The following THSD4 variants were observed in gnomAD, a reference collection of about 807,000 sequenced individuals.
THSD4 encodes the protein thrombospondin type-1 domain-containing protein 4.
In THSD4, 69 loss-of-function variants were observed where a neutral mutation model predicts 119.0. That is an observed-to-expected ratio of 0.58 (90% CI 0.48 to 0.71). The LOEUF is 0.71. Ranked by LOEUF, THSD4 falls within the 30% of genes least tolerant of loss-of-function variation. The pLI is 0.00. For synonymous variants in THSD4, 524 were observed against 540.4 expected (o/e 0.97, Z 0.42); for missense variants, 1,393 against 1,391.1 (o/e 1.00, Z -0.02).
At chr15:71,665,450 C>A (rs754209686) in intron 8 of THSD4, among the ~76,000 whole-genome samples, 35 of 152,086 alleles carry the variant, frequency 2.3e-4, no homozygotes, top group Non-Finnish European at 4.7e-4. Context: ...TGTAGGGTAT[C>A]TGTTTACTCT....
chr15:71,370,967 A>G (rs1398812778), intron 6 of THSD4, among the ~76,000 whole-genome samples: 10 of 152,136 alleles, frequency 6.6e-5, no homozygotes, highest in African/African-American at 2.4e-4. Flanking sequence ...TTGCTCCTGT[A>G]TTGGGTGCAT....
chr15:71,300,616 C>T (rs564064846), intron 6 of THSD4, among the ~76,000 whole-genome samples: 8 of 152,164 alleles, frequency 5.3e-5, no homozygotes, highest in Non-Finnish European at 1.0e-4. Flanking sequence ...TATCAATCCC[C>T]CTCAAAATTA....
At chr15:71,097,578 C>A (rs1596199455) in intron 1 of THSD4, among the ~76,000 whole-genome samples, 1 of 139,468 alleles carries the variant, frequency 7.2e-6, no homozygotes, top group Non-Finnish European at 1.6e-5. Context: ...AAAAAAAAAA[C>A]AACAACAACC....
chr15:71,777,163 T>C, intron 17 of THSD4, 69 bp from the exon 18 acceptor site: 1 of 1,600,126 alleles, frequency 6.2e-7, no homozygotes, highest in Non-Finnish European at 8.6e-7. Flanking sequence ...CCACTGCCCT[T>C]TCTCTTCCCA....
chr15:71,724,164 A>G (rs1189457971), intron 8 of THSD4, among the ~76,000 whole-genome samples: 1 of 149,282 alleles, frequency 6.7e-6, no homozygotes, highest in African/African-American at 2.4e-5. Context: ...ATGATGTTGT[A>G]GATGGGCTAA....
At chr15:71,384,183 T>C (rs1280357533) in intron 6 of THSD4, among the ~76,000 whole-genome samples, 1 of 152,138 alleles carries the variant, frequency 6.6e-6, no homozygotes, top group African/African-American at 2.4e-5. Context: ...ATCGAGACCA[T>C]CCTGACTAAC....
chr15:71,369,776 G>A (rs113597873), intron 6 of THSD4, among the ~76,000 whole-genome samples: 42,110 of 151,932 alleles, frequency 0.28, 6,491 homozygotes, highest in East Asian at 0.54. Context: ...CTTTGGTATC[G>A]GGATGATGCT....
chr15:71,260,128 C>T (rs2044373271), intron 6 of THSD4, among the ~76,000 whole-genome samples: 1 of 152,190 alleles, frequency 6.6e-6, no homozygotes, highest in African/African-American at 2.4e-5. Flanking sequence ...ATTGATAGCC[C>T]TATGCAAACC....
intron 6 of THSD4, among the ~76,000 whole-genome samples, chr15:71,379,821 T>C (rs886598960): frequency 2.6e-5 from 4 of 151,434 alleles, no homozygotes; most frequent in African/African-American, 4.8e-5. Context: ...TGTTGTTGTT[T>C]AAAAAAAAAC....
chr15:71,457,112 G>T (rs573417145), intron 7 of THSD4, among the ~76,000 whole-genome samples: 10 of 152,244 alleles, frequency 6.6e-5, no homozygotes, highest in African/African-American at 2.4e-4. Context: ...GAGGCGCAGT[G>T]GCTCACACCT....
chr15:71,647,464 A>G (rs189200194), intron 7 of THSD4, among the ~76,000 whole-genome samples: 40 of 152,320 alleles, frequency 2.6e-4, no homozygotes, highest in Non-Finnish European at 5.3e-4. Context: ...CTGACAATGC[A>G]TGGAACACAA....
intron 6 of THSD4, among the ~76,000 whole-genome samples, chr15:71,378,873 T>C (rs994413901): frequency 6.6e-6 from 1 of 152,184 alleles, no homozygotes; most frequent in Non-Finnish European, 1.5e-5. Flanking sequence ...AGCCTGGAAC[T>C]CCGGAGCTCA....
chr15:71,360,136 T>TG (rs1480314063), intron 6 of THSD4, among the ~76,000 whole-genome samples: 4 of 152,264 alleles, frequency 2.6e-5, no homozygotes, highest in African/African-American at 9.6e-5. Flanking sequence ...ATCTGGCACG[T>TG]GGGGAAGAGC....
intron 6 of THSD4, among the ~76,000 whole-genome samples, chr15:71,297,713 A>G (rs2044885925): frequency 1.3e-5 from 2 of 152,030 alleles, no homozygotes; most frequent in South Asian, 4.2e-4. Flanking sequence ...GACTTAAGCA[A>G]TCCTTCCACC....
chr15:71,482,891 C>T (rs1203561340), intron 7 of THSD4, among the ~76,000 whole-genome samples: 1 of 152,152 alleles, frequency 6.6e-6, no homozygotes, highest in Non-Finnish European at 1.5e-5. Context: ...CTGGCCTGTA[C>T]TGTAACTTTT....
At chr15:71,508,513 C>T (rs2048228015) in intron 7 of THSD4, among the ~76,000 whole-genome samples, 1 of 152,150 alleles carries the variant, frequency 6.6e-6, no homozygotes, top group Non-Finnish European at 1.5e-5. Flanking sequence ...CACTGAAAAT[C>T]AGAGGCTGTG....
At chr15:71,666,074 A>G (rs2051411658) in intron 8 of THSD4, among the ~76,000 whole-genome samples, 1 of 152,266 alleles carries the variant, frequency 6.6e-6, no homozygotes, top group East Asian at 1.9e-4. Flanking sequence ...ATAACATTGA[A>G]TCTGTAAATT....
chr15:71,530,799 C>A (rs1005191497), intron 7 of THSD4, among the ~76,000 whole-genome samples: 7 of 136,530 alleles, frequency 5.1e-5, no homozygotes, highest in Non-Finnish European at 1.1e-4. Flanking sequence ...GTGTACCAAG[C>A]CCCCGAAAAA....
At chr15:71,683,007 A>G (rs184286378) in intron 8 of THSD4, among the ~76,000 whole-genome samples, 10 of 142,414 alleles carry the variant, frequency 7.0e-5, no homozygotes, top group African/African-American at 2.2e-4. Flanking sequence ...TGCAGCCTCA[A>G]CCCCCCTGGG....
Sources: allele counts gnomAD v4.1 joint callset (sites outside exome capture counted in the v4.1 genomes callset), GRCh38; gene constraint gnomAD v4.1.1; transcripts MANE v1.5; gene names NCBI Gene and HGNC (gene_info 2026-07-23, HGNC 2026-07-21).